TBC1D5: variants seen among roughly 807,000 people sequenced by gnomAD.
TBC1D5 encodes the protein TBC1 domain family, member 5.
Under a neutral mutation model 100.3 loss-of-function variants are expected in TBC1D5, and 75 were observed. The ratio of observed to expected loss-of-function variants is 0.75; its 90% CI spans 0.62 to 0.91. The LOEUF is 0.91. Among genes scored for constraint, TBC1D5 ranks in the 40% least tolerant of loss-of-function variants. The pLI is 0.00. For synonymous variants in TBC1D5, 323 were observed against 325.6 expected (o/e 0.99, Z 0.09); for missense variants, 910 against 942.4 (o/e 0.97, Z 0.45).
intron 18 of TBC1D5, among the ~76,000 whole-genome samples, chr3:17,209,574 T>A (rs2072690470): frequency 6.6e-6 from 1 of 152,194 alleles, no homozygotes; most frequent in Admixed American, 6.5e-5. Context: ...CCACGCTCCA[T>A]CTTCTCAACA....
At chr3:17,260,841 CTAAAA>C (rs2078217163) in intron 15 of TBC1D5, among the ~76,000 whole-genome samples, 1 of 152,162 alleles carries the variant, frequency 6.6e-6, no homozygotes, top group Admixed American at 6.5e-5. Flanking sequence ...TTCAGTATAT[CTAAAA>C]TATTATGATT....
At chr3:17,655,984 C>T (rs1185485650) in intron 1 of TBC1D5, among the ~76,000 whole-genome samples, 1 of 152,182 alleles carries the variant, frequency 6.6e-6, no homozygotes, top group Non-Finnish European at 1.5e-5. Flanking sequence ...GTCTGTAGTA[C>T]TTTGTTACCG....
chr3:17,173,426 G>A (rs1308850832), intron 19 of TBC1D5, among the ~76,000 whole-genome samples: 1 of 152,164 alleles, frequency 6.6e-6, no homozygotes, highest in Admixed American at 6.5e-5. Flanking sequence ...ACGCACAACA[G>A]ATTGTACAAT....
intron 4 of TBC1D5, among the ~76,000 whole-genome samples, chr3:17,411,059 C>G (rs928776348): frequency 6.6e-6 from 1 of 152,054 alleles, no homozygotes; most frequent in Admixed American, 6.6e-5. Flanking sequence ...GCATACTTCA[C>G]TGTTGTGTTT....
At chr3:17,436,818 G>A (rs1378760524) in intron 3 of TBC1D5, among the ~76,000 whole-genome samples, 1 of 152,078 alleles carries the variant, frequency 6.6e-6, no homozygotes, top group Non-Finnish European at 1.5e-5. Context: ...TACACATATA[G>A]CAATAACAGA....
chr3:17,276,200 T>C (rs918260931), intron 15 of TBC1D5, among the ~76,000 whole-genome samples: 28 of 152,192 alleles, frequency 1.8e-4, no homozygotes, highest in Admixed American at 3.3e-4. Flanking sequence ...TCTCACTGTT[T>C]CCTTACGTGG....
intron 1 of TBC1D5, among the ~76,000 whole-genome samples, chr3:17,659,157 T>C (rs151102860): frequency 1.9e-3 from 293 of 152,232 alleles, no homozygotes; most frequent in Non-Finnish European, 3.0e-3. Flanking sequence ...AAAAACTATT[T>C]TGAGATTATA....
chr3:17,233,734 T>C (rs1380311025), intron 17 of TBC1D5: 1 of 1,544,768 alleles, frequency 6.5e-7, no homozygotes, highest in South Asian at 1.2e-5. Context: ...GAGCATCGCT[T>C]CCTGTAACTA....
chr3:17,549,360 T>A (rs916368363), intron 2 of TBC1D5, among the ~76,000 whole-genome samples: 19 of 152,182 alleles, frequency 1.2e-4, no homozygotes, highest in Non-Finnish European at 2.4e-4. Flanking sequence ...TATATCTTAT[T>A]TGTACTATGG....
At chr3:17,690,640 G>C (rs1299181184) in intron 1 of TBC1D5, among the ~76,000 whole-genome samples, 2 of 152,230 alleles carry the variant, frequency 1.3e-5, no homozygotes, top group Non-Finnish European at 2.9e-5. Flanking sequence ...TCTGCCTCCT[G>C]TCAGAACAGC....
At chr3:17,158,157 T>G (rs192217481) in exon 22 of TBC1D5, 1 of 152,206 alleles carries the variant, frequency 6.6e-6, no homozygotes. Context: ...TCACACGTAA[T>G]GTACAAAGCT....
chr3:17,299,198 T>C (rs1323959914), intron 14 of TBC1D5, among the ~76,000 whole-genome samples: 3 of 152,162 alleles, frequency 2.0e-5, no homozygotes, highest in African/African-American at 7.2e-5. Flanking sequence ...ATTAAGTGGC[T>C]AAATGGGCAG....
intron 1 of TBC1D5, among the ~76,000 whole-genome samples, chr3:17,638,292 C>G (rs2064161845): frequency 6.6e-6 from 1 of 151,952 alleles, no homozygotes; most frequent in African/African-American, 2.4e-5. Context: ...CCAAAAATTA[C>G]CCCATACCCA....
At chr3:17,663,838 A>G (rs1359135118) in intron 1 of TBC1D5, among the ~76,000 whole-genome samples, 3 of 152,222 alleles carry the variant, frequency 2.0e-5, no homozygotes, top group African/African-American at 2.4e-5. Flanking sequence ...CATCTATATA[A>G]TAACAGAATG....
rs908168703 is a variant in TBC1D5, at chr3:17,732,733, A to G, written c.-101+6610T>C. 2.0e-5 allele frequency among the ~76,000 whole-genome samples: 3 copies of G among 151,122 alleles called. No homozygotes were observed. The South Asian group carries it at 6.2e-4, about 31-fold the overall frequency. On this transcript the variant is annotated intron_variant, in intron 1 of 21. Coordinates refer to ENST00000253692, the Ensembl canonical transcript of TBC1D5. Reference sequence around the variant, plus strand: ...CTCCGTCTCAAAAAAATAAATAAATAAATAAATAAATAAAATTTAAATATA... The same window carrying G: ...CTCCGTCTCAAAAAAATAAATAAATGAATAAATAAATAAAATTTAAATATA...
At chr3:17,291,031 C>G (rs1348253100) in intron 15 of TBC1D5, among the ~76,000 whole-genome samples, 1 of 152,218 alleles carries the variant, frequency 6.6e-6, no homozygotes, top group African/African-American at 2.4e-5. Flanking sequence ...GTTGATCAGA[C>G]AGAGCTTTGG....
At chr3:17,735,009 CTT>C (rs1368718341) in intron 1 of TBC1D5, among the ~76,000 whole-genome samples, 1 of 152,092 alleles carries the variant, frequency 6.6e-6, no homozygotes, top group African/African-American at 2.4e-5. Flanking sequence ...GGAAGGATCA[CTT>C]GAGCCTAGGA....
intron 8 of TBC1D5, among the ~76,000 whole-genome samples, chr3:17,387,645 A>G (rs1441027493): frequency 1.3e-5 from 2 of 151,874 alleles, no homozygotes; most frequent in African/African-American, 2.4e-5. Context: ...CACTCATTAC[A>G]CTTCTAGGTT....
intron 8 of TBC1D5, among the ~76,000 whole-genome samples, chr3:17,389,447 TG>T (rs1287570480): frequency 6.6e-6 from 1 of 152,092 alleles, no homozygotes; most frequent in Admixed American, 6.6e-5. Flanking sequence ...AAAGTGGTGG[TG>T]GAACACAGCT....
Sources: allele counts gnomAD v4.1 joint callset (sites outside exome capture counted in the v4.1 genomes callset), GRCh38; gene constraint gnomAD v4.1.1; transcripts MANE v1.5; gene names NCBI Gene and HGNC (gene_info 2026-07-23, HGNC 2026-07-21).